MAP1S: variants seen among roughly 807,000 people sequenced by gnomAD.
The protein encoded by MAP1S is microtubule-associated protein 1S.
A neutral mutation model predicts 60.9 loss-of-function variants in MAP1S; 27 were observed. The observed-to-expected ratio is 0.44, with a 90% CI of 0.33 to 0.61. The LOEUF (loss-of-function observed/expected upper bound fraction) is 0.61. Among genes scored for constraint, MAP1S ranks in the 20% least tolerant of loss-of-function variants. The pLI is 0.03. For synonymous variants in MAP1S, 826 were observed against 694.2 expected (o/e 1.19, Z -2.98); for missense variants, 1,608 against 1,486.6 (o/e 1.08, Z -1.34).
In MAP1S at chr19:17,727,120, G is replaced by A; in HGVS notation, c.1736G>A (p.Gly579Glu). Residue 579 changes from glycine to glutamate, a missense_variant, in exon 5 of 7, where the codon GGA becomes GAA. Physicochemically the swap from Gly to Glu is moderately conservative, Grantham distance 98 (BLOSUM62 -2). Around this residue, in one of 4 missense-constraint regions of MAP1S, gnomAD observed 1,167 missense variants for 961.4 expected, o/e 1.21. Coordinates refer to ENST00000324096, the MANE Select transcript of MAP1S (RefSeq NM_018174.6). The surrounding 1 kb of genome is among the most constrained non-coding windows in gnomAD (Gnocchi z 4.1). ...TCTGGCTTCCCGCCGGTGGCAAATGGACCCCGCAGCCCGCCCAGCCTCCGA... is the reference window on the plus strand; with the variant it reads ...TCTGGCTTCCCGCCGGTGGCAAATGAACCCCGCAGCCCGCCCAGCCTCCGA... ...SHSGFPPVANGPRSPPSLRCG... is the reference protein window; with the variant it reads ...SHSGFPPVANEPRSPPSLRCG... The A allele has an allele frequency of 6.3e-7, 1 of 1,597,550 alleles. No individual in the cohort carries two copies. The highest frequency in any genetic ancestry group is 1.1e-5 in the South Asian group (1 of 89,148).
intron 5 of MAP1S, among the ~76,000 whole-genome samples, chr19:17,731,467 T>A (rs931125489): frequency 6.6e-6 from 1 of 152,224 alleles, no homozygotes; most frequent in Non-Finnish European, 1.5e-5. Context: ...GGTCTATATG[T>A]CTGTCTTTAT....
At chr19:17,724,600 C>T (rs575202262) in intron 3 of MAP1S, among the ~76,000 whole-genome samples, 21 of 152,284 alleles carry the variant, frequency 1.4e-4, no homozygotes, top group Non-Finnish European at 2.4e-4. Context: ...ATTATACATC[C>T]GGAAGATGAA....
intron 5 of MAP1S, among the ~76,000 whole-genome samples, chr19:17,732,793 C>T (rs1331833817): frequency 1.3e-5 from 2 of 152,150 alleles, no homozygotes; most frequent in African/African-American, 2.4e-5. Flanking sequence ...GCCACCCACT[C>T]GCCCCCCAGC....
chr19:17,725,199 C>G lies in MAP1S; in HGVS notation c.444+10C>G. 2 of 1,602,198 alleles carry G rather than the reference C, an allele frequency of 1.2e-6. No individual in the cohort carries two copies. Among genetic ancestry groups the G allele is most frequent in the Non-Finnish European group, 1.7e-6 (2 of 1,173,912 alleles). The stretch of plus-strand genomic sequence containing the variant: ...CCTGAAGGACAGAGAGGTAAGCCAC[C>G]CCTTTGCCATCCCCTGCTTCCCCAG... On this transcript the variant is annotated intron_variant, in intron 4 of 6. Coordinates refer to ENST00000324096, the MANE Select transcript of MAP1S (RefSeq NM_018174.6). This position sits in a 1 kb window ranked among gnomAD's most constrained non-coding sequence, Gnocchi z 4.2.
intron 5 of MAP1S, among the ~76,000 whole-genome samples, chr19:17,731,973 T>C (rs1186770220): frequency 6.6e-6 from 1 of 152,244 alleles, no homozygotes; most frequent in African/African-American, 2.4e-5. Flanking sequence ...CCAGGCCTGA[T>C]TTTTTACATT....
Position 17,727,458 on chromosome 19 carries a change from A to AC in MAP1S, c.2076dup (p.Glu693ArgfsTer11). The stretch of plus-strand genomic sequence containing the variant: ...CGCAGAGGTGGGCTCCCCGCACTCG[A>AC]CCGAGGTGGACGAGTCCCTGTCGGT... On this transcript the variant is annotated frameshift_variant, in exon 5 of 7. Transcript: ENST00000324096. LOFTEE classifies it high-confidence loss of function. This position sits in a 1 kb window ranked among gnomAD's most constrained non-coding sequence, Gnocchi z 4.1. The AC allele has an allele frequency of 6.2e-7, 1 of 1,606,196 alleles. No homozygotes were observed. The highest frequency in any genetic ancestry group is 8.5e-7 in the Non-Finnish European group (1 of 1,176,882).
At chr19:17,721,336 G>A (rs1252781004) in intron 2 of MAP1S, 1 of 398,118 alleles carries the variant, frequency 2.5e-6, no homozygotes, top group Non-Finnish European at 4.8e-6. Context: ...TGACTGGTGT[G>A]TCCAGTGGAA....
chr19:17,724,336 C>T (rs1017136651), intron 3 of MAP1S, 128 bp downstream of exon 3: 13 of 737,066 alleles, frequency 1.8e-5, no homozygotes, highest in East Asian at 2.8e-5. Flanking sequence ...CACACTTCTT[C>T]GCCCACGAAG....
In MAP1S at chr19:17,727,056, G is replaced by A. The variant is rs1432720269; in HGVS notation, c.1672G>A (p.Ala558Thr). The A allele has an allele frequency of 6.2e-7, 1 of 1,606,152 alleles. No homozygotes were observed. Among genetic ancestry groups the A allele is most frequent in the South Asian group, 1.1e-5 (1 of 89,980 alleles). The change falls in exon 5 of 7, where the codon GCG becomes ACG. Residue 558 changes from alanine (A) to threonine (T), a missense_variant. Around this residue, in one of 4 missense-constraint regions of MAP1S, gnomAD observed 1,167 missense variants for 961.4 expected, o/e 1.21. Coordinates refer to ENST00000324096, the MANE Select transcript of MAP1S (RefSeq NM_018174.6). This position sits in a 1 kb window ranked among gnomAD's most constrained non-coding sequence, Gnocchi z 4.1. ...VPNLKKTNAQ[A>T]APKPRKAPST... ...CAACCTCAAGAAGACGAATGCCCAG[G>A]CGGCACCCAAGCCCCGCAAAGCGCC...
intron 1 of MAP1S, chr19:17,720,159 T>C: frequency 7.5e-7 from 1 of 1,328,584 alleles, no homozygotes; most frequent in Non-Finnish European, 9.6e-7. Context: ...GGGAGGTGAG[T>C]CATAGGCGCA....
intron 1 of MAP1S, chr19:17,720,361 G>A (rs1244365704): frequency 6.5e-7 from 1 of 1,530,440 alleles, no homozygotes; most frequent in Non-Finnish European, 8.7e-7. Context: ...CCTGCTATGC[G>A]CCAGGCCTTT....
In MAP1S at chr19:17,728,147, C is replaced by T. The variant is rs768108268; in HGVS notation, c.2763C>T (p.Pro921=). The T allele has an allele frequency of 6.3e-7, 1 of 1,599,918 alleles. No individual in the cohort carries two copies. Among genetic ancestry groups the T allele is most frequent in the Non-Finnish European group, 8.5e-7 (1 of 1,171,006 alleles). The part of the protein sequence containing the change: ...RAPLSRKSST[P]KTATRGPSGS... ...CCCTGTCCAGAAAGTCCTCAACCCC[C>T]AAGACTGCCACTCGAGGCCCGTCGG... Residue 921 remains proline (P), a synonymous_variant, in exon 5 of 7, where the codon CCC becomes CCT. Coordinates refer to ENST00000324096, the MANE Select transcript of MAP1S (RefSeq NM_018174.6).
rs2080426989 is a variant in MAP1S at position 17,726,629 on chromosome 19, G to A, written c.1245G>A (p.Leu415=). The change falls in exon 5 of 7, where the codon CTG becomes CTA. Residue 415 remains leucine (L), a synonymous_variant. Transcript: ENST00000324096. ...AERTLASVCA[L]LVWHPAGPGE... is the part of the protein sequence containing the mutation. ...GCACGCTGGCCTCTGTGTGCGCCCT[G>A]CTGGTGTGGCACCCCGCCGGCCCCG... The A allele has an allele frequency of 6.4e-7, 1 of 1,573,140 alleles. No individual in the cohort carries two copies. Among genetic ancestry groups the A allele is most frequent in the East Asian group, 2.3e-5 (1 of 42,924 alleles).
At position 17,725,681 on chromosome 19, in the gene MAP1S, T is replaced by C. The variant is rs2080410504; in HGVS notation, c.445-148T>C. On this transcript the variant is annotated intron_variant, in intron 4 of 6. Transcript: ENST00000324096. The surrounding 1 kb of genome is among the most constrained non-coding windows in gnomAD (Gnocchi z 4.2). ...GAGGTGAGGCCAGATCAAAGAGCCT[T>C]GTGGCGCTGGAGAGGGTTGGGTTTT... The C allele has an allele frequency of 4.1e-6, 3 of 728,146 alleles. No homozygotes were observed. The highest frequency in any genetic ancestry group is 6.7e-6 in the Non-Finnish European group (3 of 448,420). The allele number at this position is 728,146 out of a possible 1,614,324, so 45.1% of individuals were successfully genotyped here.
At chr19:17,734,163 G>C (rs916520938) in intron 6 of MAP1S, 110 bp from the exon 7 acceptor site, 1 of 845,236 alleles carries the variant, frequency 1.2e-6, no homozygotes, top group Admixed American at 2.4e-5. Context: ...AAGCCAGGAG[G>C]GGTCTCAAAT....
chr19:17,728,047 G>A lies in MAP1S; in HGVS notation c.2663G>A (p.Gly888Glu). ...CCAGTGGCTGCTGCCAAAACCAAGG[G>A]GCTTGCTGGTGGGGACCGTGCCAGC... ...ATPVAAAKTK[G>E]LAGGDRASRP... is the part of the protein sequence containing the mutation. Residue 888 changes from glycine to glutamate, a missense_variant, in exon 5 of 7, where the codon GGG becomes GAG. Around this residue, in one of 4 missense-constraint regions of MAP1S, gnomAD observed 1,167 missense variants for 961.4 expected, o/e 1.21. Coordinates refer to ENST00000324096, the MANE Select transcript of MAP1S (RefSeq NM_018174.6). 6.2e-7 allele frequency: 1 copy of A among 1,612,490 alleles called. No individual in the cohort carries two copies.
intron 2 of MAP1S, among the ~76,000 whole-genome samples, chr19:17,722,753 A>G (rs893610826): frequency 1.6e-5 from 2 of 125,722 alleles, no homozygotes; most frequent in Non-Finnish European, 1.7e-5. Context: ...CATCTCAAAA[A>G]AGAGAGAGAG....
In MAP1S at chr19:17,723,203, C is replaced by T. The variant is rs573238813; in HGVS notation, c.221-923C>T. 1.6e-4 allele frequency among the ~76,000 whole-genome samples: 24 copies of T among 152,312 alleles called. No individual in the cohort carries two copies. The South Asian group carries it at 4.8e-3, about 30-fold the overall frequency. On this transcript the variant is annotated intron_variant, in intron 2 of 6. Coordinates refer to ENST00000324096, the MANE Select transcript of MAP1S (RefSeq NM_018174.6). ...CCTTTGCTCCGGATGTACCCTCGTCCACGTTCGCCCTCATTGGCCCTCCTC... is the reference window on the plus strand; with the variant it reads ...CCTTTGCTCCGGATGTACCCTCGTCTACGTTCGCCCTCATTGGCCCTCCTC...
chr19:17,731,351 T>A (rs1363829422), intron 5 of MAP1S, among the ~76,000 whole-genome samples: 1 of 152,214 alleles, frequency 6.6e-6, no homozygotes, highest in East Asian at 1.9e-4. Flanking sequence ...CCAGCACCAT[T>A]TGTTGAAAAG....
Sources: gnomAD v4.1 joint callset for allele counts (sites outside exome capture counted in the v4.1 genomes callset) on GRCh38, gnomAD v4.1.1 for gene constraint, gnomAD v4.1.1 regional missense constraint, Gnocchi (gnomAD v3.1) non-coding constraint, MANE v1.5 for transcripts, NCBI Gene and HGNC (gene_info 2026-07-23, HGNC 2026-07-21) for gene names.